Variants in DGKB observed in about 807,000 individuals in gnomAD.
DGKB encodes the protein diacylglycerol kinase beta, also known as 90 kDa diacylglycerol kinase.
DGKB carries 67 observed loss-of-function variants against 114.3 expected under a neutral mutation model. That is an observed-to-expected ratio of 0.59 (90% CI 0.48 to 0.72). DGKB has a LOEUF of 0.72. DGKB is among the 30% of genes least tolerant of loss of function. DGKB has a pLI of 0.00. For missense variants in DGKB, 907 were observed against 975.2 expected (o/e 0.93, Z 0.93); for synonymous variants, 398 against 323.1 (o/e 1.23, Z -2.49).
intron 21 of DGKB, among the ~76,000 whole-genome samples, chr7:14,397,045 G>A (rs1353460841): frequency 6.6e-6 from 1 of 151,208 alleles, no homozygotes; most frequent in Admixed American, 6.6e-5. Flanking sequence ...CTTTCTGGGA[G>A]AGAGAGAGAG....
At chr7:14,557,584 A>T (rs557869548) in intron 20 of DGKB, among the ~76,000 whole-genome samples, 201 of 150,092 alleles carry the variant, frequency 1.3e-3, no homozygotes, top group African/African-American at 3.9e-3. Context: ...TTATCTTTTT[A>T]AAAAAATAAC....
intron 1 of DGKB, among the ~76,000 whole-genome samples, chr7:14,893,380 G>A (rs567893874): frequency 1.1e-4 from 17 of 151,390 alleles, no homozygotes; most frequent in African/African-American, 2.9e-4. Context: ...GAACATTCCA[G>A]GTTTCTGTTG....
intron 23 of DGKB, among the ~76,000 whole-genome samples, chr7:14,303,756 CTT>C (rs1803955072): frequency 6.6e-6 from 1 of 152,096 alleles, no homozygotes; most frequent in African/African-American, 2.4e-5. Context: ...CAAGTAAACA[CTT>C]AGTCATCTCT....
At chr7:14,867,862 A>G (rs1273734843) in intron 1 of DGKB, among the ~76,000 whole-genome samples, 1 of 152,176 alleles carries the variant, frequency 6.6e-6, no homozygotes, top group East Asian at 1.9e-4. Flanking sequence ...GGTATCTGCC[A>G]AAACAATCAA....
intron 23 of DGKB, among the ~76,000 whole-genome samples, chr7:14,331,325 T>C (rs1809674860): frequency 6.6e-6 from 1 of 152,042 alleles, no homozygotes; most frequent in African/African-American, 2.4e-5. Context: ...CTGCATGAAA[T>C]CCTTTTCTTG....
chr7:14,897,973 T>G (rs970260726), intron 1 of DGKB, among the ~76,000 whole-genome samples: 6 of 151,964 alleles, frequency 3.9e-5, no homozygotes, highest in African/African-American at 1.2e-4. Flanking sequence ...GCACTAAACT[T>G]CCAAAGATAA....
At chr7:14,859,763 C>T (rs920044269) in intron 1 of DGKB, among the ~76,000 whole-genome samples, 7 of 152,036 alleles carry the variant, frequency 4.6e-5, no homozygotes, top group African/African-American at 1.7e-4. Flanking sequence ...CCTATCTCCC[C>T]GTACCTCCTT....
At chr7:14,617,183 A>G (rs552897416) in intron 15 of DGKB, among the ~76,000 whole-genome samples, 1 of 151,586 alleles carries the variant, frequency 6.6e-6, no homozygotes, top group Non-Finnish European at 1.5e-5. Flanking sequence ...CTTTTCTTCT[A>G]ATTTCTAGGT....
At chr7:14,268,112 C>G (rs1002798876) in intron 23 of DGKB, among the ~76,000 whole-genome samples, 4 of 152,078 alleles carry the variant, frequency 2.6e-5, no homozygotes, top group African/African-American at 9.7e-5. Context: ...AGCTTACTAT[C>G]TAGCTCACTG....
At chr7:14,855,149 C>CA (rs1269674396) in intron 1 of DGKB, among the ~76,000 whole-genome samples, 1 of 152,014 alleles carries the variant, frequency 6.6e-6, no homozygotes, top group Non-Finnish European at 1.5e-5. Flanking sequence ...AGGTCTATCT[C>CA]AAAAAAAGAT....
intron 2 of DGKB, among the ~76,000 whole-genome samples, chr7:14,830,106 C>T (rs1039841206): frequency 4.6e-5 from 7 of 151,822 alleles, no homozygotes; most frequent in Admixed American, 3.3e-4. Flanking sequence ...GTAAAATGTG[C>T]CCTCCAGGAA....
At chr7:14,192,884 C>A (rs1160382457) in intron 23 of DGKB, among the ~76,000 whole-genome samples, 3 of 151,638 alleles carry the variant, frequency 2.0e-5, no homozygotes, top group Non-Finnish European at 4.4e-5. Context: ...ATGGGAAACA[C>A]TGACAGATCA....
intron 1 of DGKB, among the ~76,000 whole-genome samples, chr7:14,875,478 G>A (rs1001604699): frequency 2.0e-5 from 3 of 152,090 alleles, no homozygotes; most frequent in Admixed American, 6.5e-5. Context: ...GCAACATTGT[G>A]AAATAAGAAT....
At position 14,367,535 on chromosome 7, in the gene DGKB, T is replaced by A. The variant is rs555743927; in HGVS notation, c.1836-22144A>T. On this transcript the variant is annotated intron_variant, in intron 21 of 25. Transcript: ENST00000402815. ...GGAACTGTGAGTCCATTAAACCTCTTTCCTTTGTAAATTACCCAGTCTCAG... is the reference window on the plus strand; with the variant it reads ...GGAACTGTGAGTCCATTAAACCTCTATCCTTTGTAAATTACCCAGTCTCAG... Among the ~76,000 whole-genome samples the A allele has an allele frequency of 6.6e-5, 10 of 152,172 alleles. No individual in the cohort carries two copies. The East Asian group carries it at 1.9e-3, about 30-fold the overall frequency.
intron 23 of DGKB, among the ~76,000 whole-genome samples, chr7:14,211,288 T>TCTC (rs879870939): frequency 0.012 from 1,379 of 117,980 alleles, 195 homozygotes; most frequent in African/African-American, 0.022. Flanking sequence ...TAGCCTCTAC[T>TCTC]ATGTGATATT....
At chr7:14,883,267 T>C (rs552751141) in intron 1 of DGKB, among the ~76,000 whole-genome samples, 4 of 152,078 alleles carry the variant, frequency 2.6e-5, no homozygotes, top group African/African-American at 7.2e-5. Context: ...TATATACCTA[T>C]ATATTTGTTT....
At chr7:14,759,265 A>G (rs1199662252) in intron 2 of DGKB, among the ~76,000 whole-genome samples, 1 of 152,190 alleles carries the variant, frequency 6.6e-6, no homozygotes, top group Non-Finnish European at 1.5e-5. Flanking sequence ...TTCGTGTCAC[A>G]TAAAATTGAC....
At chr7:14,548,309 C>T (rs545139568) in intron 20 of DGKB, among the ~76,000 whole-genome samples, 1 of 152,124 alleles carries the variant, frequency 6.6e-6, no homozygotes, top group Non-Finnish European at 1.5e-5. Flanking sequence ...CCAACAGGTG[C>T]AACTGAGAAA....
chr7:14,469,118 A>AG (rs1297233876), intron 21 of DGKB, among the ~76,000 whole-genome samples: 1 of 152,084 alleles, frequency 6.6e-6, no homozygotes, highest in African/African-American at 2.4e-5. Flanking sequence ...TGGGAGCCCC[A>AG]GGAAATATCT....
Sources: allele counts gnomAD v4.1 joint callset (sites outside exome capture counted in the v4.1 genomes callset), GRCh38; gene constraint gnomAD v4.1.1; transcripts MANE v1.5; gene names NCBI Gene and HGNC (gene_info 2026-07-23, HGNC 2026-07-21).